SOX5: variants seen among roughly 807,000 people sequenced by gnomAD.
SOX5 encodes SRY-box transcription factor 5.
In SOX5, 9 loss-of-function variants were observed where a neutral mutation model predicts 92.0. The ratio of observed to expected loss-of-function variants is 0.10; its 90% confidence interval spans 0.06 to 0.17. SOX5 has a LOEUF of 0.17. Among genes scored for constraint, SOX5 ranks in the 10% least tolerant of loss-of-function variants. The pLI is 1.00. For missense variants in SOX5, 642 were observed against 944.5 expected (o/e 0.68, Z 4.20); for synonymous variants, 344 against 336.3 (o/e 1.02, Z -0.25).
chr12:23,884,840 C>T (rs149772944), intron 2 of SOX5, among the ~76,000 whole-genome samples: 25 of 152,272 alleles, frequency 1.6e-4, no homozygotes, highest in Non-Finnish European at 2.9e-4. Flanking sequence ...TGTAGGGTGG[C>T]TGGTACACAG....
chr12:24,523,914 C>T (rs1186968116), intron 1 of SOX5, among the ~76,000 whole-genome samples: 1 of 152,114 alleles, frequency 6.6e-6, no homozygotes, highest in Non-Finnish European at 1.5e-5. Flanking sequence ...AAATAGCTTC[C>T]GTGCAGCATA....
At chr12:24,295,283 G>A (rs369898114) in intron 2 of SOX5, among the ~76,000 whole-genome samples, 4 of 151,960 alleles carry the variant, frequency 2.6e-5, no homozygotes, top group East Asian at 1.9e-4. Context: ...TCATACTCTC[G>A]TGTACAACAA....
chr12:24,329,769 T>A (rs1951087720), intron 2 of SOX5, among the ~76,000 whole-genome samples: 1 of 152,226 alleles, frequency 6.6e-6, no homozygotes, highest in South Asian at 2.1e-4. Flanking sequence ...ACACCTGTAA[T>A]CCTAGCACTT....
chr12:24,090,577 T>C (rs1569539233), intron 4 of SOX5, among the ~76,000 whole-genome samples: 1 of 152,170 alleles, frequency 6.6e-6, no homozygotes, highest in Non-Finnish European at 1.5e-5. Flanking sequence ...AAAATCCAAA[T>C]ACTGGATATT....
At chr12:23,612,111 ACGT>A (rs2137778165) in intron 8 of SOX5, among the ~76,000 whole-genome samples, 1 of 152,162 alleles carries the variant, frequency 6.6e-6, no homozygotes, top group East Asian at 1.9e-4. Context: ...TTATTTTTAT[ACGT>A]ATTATCCTTT....
At chr12:24,034,500 A>G (rs1955824043) in intron 4 of SOX5, among the ~76,000 whole-genome samples, 1 of 151,814 alleles carries the variant, frequency 6.6e-6, no homozygotes, top group African/African-American at 2.4e-5. Flanking sequence ...AGGAGAACCA[A>G]TAACTATTTC....
intron 4 of SOX5, among the ~76,000 whole-genome samples, chr12:24,164,801 G>T (rs1423620626): frequency 6.6e-6 from 1 of 152,090 alleles, no homozygotes; most frequent in Middle Eastern, 3.4e-3. Flanking sequence ...TGGGTAAAAA[G>T]TGGTTAATGT....
intron 1 of SOX5, among the ~76,000 whole-genome samples, chr12:23,924,994 G>A (rs1595692707): frequency 6.6e-6 from 1 of 151,210 alleles, no homozygotes; most frequent in African/African-American, 2.4e-5. Flanking sequence ...CCCCCTCTAC[G>A]AGAAACACCC....
intron 5 of SOX5, among the ~76,000 whole-genome samples, chr12:23,739,240 G>A (rs577874984): frequency 2.0e-5 from 3 of 152,260 alleles, no homozygotes; most frequent in African/African-American, 4.8e-5. Context: ...ATGAAAAAGA[G>A]GGCCATACTT....
At chr12:24,520,387 G>A (rs891765801) in intron 1 of SOX5, among the ~76,000 whole-genome samples, 8 of 151,972 alleles carry the variant, frequency 5.3e-5, no homozygotes, top group Non-Finnish European at 8.8e-5. Context: ...GCATGCAGTC[G>A]AAGCTAAGAT....
At chr12:24,171,800 G>A (rs1460654592) in intron 4 of SOX5, among the ~76,000 whole-genome samples, 3 of 151,848 alleles carry the variant, frequency 2.0e-5, no homozygotes, top group Non-Finnish European at 2.9e-5. Context: ...GAGTTCGAGG[G>A]CAGCCTGGGC....
At chr12:24,125,802 C>A (rs1223348765) in intron 4 of SOX5, among the ~76,000 whole-genome samples, 1 of 152,184 alleles carries the variant, frequency 6.6e-6, no homozygotes, top group Non-Finnish European at 1.5e-5. Flanking sequence ...AGGTCTGGAG[C>A]TTTCTTTTGG....
chr12:23,645,950 T>C (rs1359794916), intron 7 of SOX5, among the ~76,000 whole-genome samples: 6 of 152,316 alleles, frequency 3.9e-5, no homozygotes, highest in African/African-American at 1.4e-4. Context: ...AAGTCGTGTT[T>C]AGACAAAACT....
intron 4 of SOX5, among the ~76,000 whole-genome samples, chr12:23,972,854 A>G (rs1336697032): frequency 6.6e-6 from 1 of 152,070 alleles, no homozygotes; most frequent in Non-Finnish European, 1.5e-5. Context: ...GCTATTTTAT[A>G]ATATACAACA....
intron 8 of SOX5, among the ~76,000 whole-genome samples, chr12:23,613,252 C>A (rs2076172079): frequency 1.3e-5 from 2 of 151,814 alleles, no homozygotes; most frequent in Admixed American, 1.3e-4. Context: ...TCTTGACAAA[C>A]CTATTTTCAA....
At chr12:24,543,894 T>A (rs773943234) in intron 1 of SOX5, among the ~76,000 whole-genome samples, 4 of 152,226 alleles carry the variant, frequency 2.6e-5, no homozygotes, top group Non-Finnish European at 5.9e-5. Context: ...ATAACAAGGT[T>A]CTGCCTTTTA....
chr12:24,216,683 G>A (rs1959184016), intron 3 of SOX5, among the ~76,000 whole-genome samples: 1 of 152,156 alleles, frequency 6.6e-6, no homozygotes, highest in Non-Finnish European at 1.5e-5. Flanking sequence ...AGCACTTTGG[G>A]AGACCAAGAA....
At chr12:23,870,081 A>C (rs1218972403) in intron 2 of SOX5, among the ~76,000 whole-genome samples, 1 of 152,136 alleles carries the variant, frequency 6.6e-6, no homozygotes, top group African/African-American at 2.4e-5. Flanking sequence ...ACACGACCTC[A>C]TTCTTTCCCA....
intron 2 of SOX5, among the ~76,000 whole-genome samples, chr12:24,356,057 G>T (rs1423855789): frequency 1.3e-5 from 2 of 152,126 alleles, no homozygotes; most frequent in African/African-American, 4.8e-5. Flanking sequence ...TCACATAAAA[G>T]TGGACATTTT....
Sources: gnomAD v4.1 joint callset for allele counts (sites outside exome capture counted in the v4.1 genomes callset) on GRCh38, gnomAD v4.1.1 for gene constraint, MANE v1.5 for transcripts, NCBI Gene and HGNC (gene_info 2026-07-23, HGNC 2026-07-21) for gene names.